Variants in MTHFD2L observed in about 807,000 individuals in gnomAD.
MTHFD2L encodes the protein methylenetetrahydrofolate dehydrogenase (NADP+ dependent) 2 like.
Under a neutral mutation model 34.9 loss-of-function variants are expected in MTHFD2L, and 29 were observed. The ratio of observed to expected loss-of-function variants is 0.83; its 90% CI spans 0.62 to 1.13. The LOEUF is 1.13. MTHFD2L is among the 50% of genes most tolerant of loss of function. MTHFD2L has a pLI of 0.00. For missense variants in MTHFD2L, 481 were observed against 446.5 expected (o/e 1.08, Z -0.70); for synonymous variants, 167 against 155.7 (o/e 1.07, Z -0.54).
intron 1 of MTHFD2L, among the ~76,000 whole-genome samples, chr4:74,132,085 A>G (rs1273306888): frequency 6.6e-6 from 1 of 152,188 alleles, no homozygotes; most frequent in African/African-American, 2.4e-5. Context: ...AAAAGTCAGG[A>G]AACAACAGAT....
At chr4:74,130,419 A>G (rs188955618) in intron 1 of MTHFD2L, among the ~76,000 whole-genome samples, 1 of 152,214 alleles carries the variant, frequency 6.6e-6, no homozygotes, top group African/African-American at 2.4e-5. Context: ...CCTGAGATGC[A>G]AGGCTGGTTC....
intron 1 of MTHFD2L, among the ~76,000 whole-genome samples, chr4:74,126,147 C>A (rs1006576295): frequency 6.6e-6 from 1 of 152,084 alleles, no homozygotes; most frequent in Admixed American, 6.6e-5. Context: ...CCTCACTTAA[C>A]CTCATCAATA....
At chr4:74,171,515 T>G (rs933224502) in intron 1 of MTHFD2L, among the ~76,000 whole-genome samples, 2 of 152,100 alleles carry the variant, frequency 1.3e-5, no homozygotes, top group African/African-American at 4.8e-5. Context: ...CAAAAGAAAT[T>G]AAAGCGGCCA....
chr4:74,136,102 CTG>C (rs1386716229), intron 1 of MTHFD2L, among the ~76,000 whole-genome samples: 2 of 151,894 alleles, frequency 1.3e-5, no homozygotes, highest in Non-Finnish European at 2.9e-5. Context: ...TATTATTTTG[CTG>C]TTATTCAATA....
At chr4:74,225,939 G>A (rs1042778883) in intron 6 of MTHFD2L, among the ~76,000 whole-genome samples, 3 of 152,004 alleles carry the variant, frequency 2.0e-5, no homozygotes, top group Non-Finnish European at 2.9e-5. Flanking sequence ...ATGAAATTTG[G>A]TCTGATGAAC....
chr4:74,254,136 A>C (rs1743681381), intron 6 of MTHFD2L, among the ~76,000 whole-genome samples: 1 of 152,208 alleles, frequency 6.6e-6, no homozygotes, highest in Non-Finnish European at 1.5e-5. Context: ...AATTAAAGAA[A>C]TATTAACAGA....
intron 5 of MTHFD2L, among the ~76,000 whole-genome samples, chr4:74,224,337 A>G (rs962485288): frequency 1.3e-5 from 2 of 152,174 alleles, no homozygotes; most frequent in Admixed American, 6.6e-5. Context: ...CATTCTCCGC[A>G]TTTCTTTGCT....
At chr4:74,254,904 G>A (rs1743804713) in intron 6 of MTHFD2L, among the ~76,000 whole-genome samples, 1 of 152,070 alleles carries the variant, frequency 6.6e-6, no homozygotes, top group South Asian at 2.1e-4. Flanking sequence ...GGAGGCCGAG[G>A]TGGGCGGATC....
intron 6 of MTHFD2L, chr4:74,242,007 T>A (rs1741788146): frequency 6.5e-6 from 1 of 152,908 alleles, no homozygotes; most frequent in South Asian, 2.0e-4. Context: ...TAAGGCAACA[T>A]GAGGGACCCT....
At chr4:74,257,387 C>T (rs991622059) in intron 6 of MTHFD2L, among the ~76,000 whole-genome samples, 4 of 152,114 alleles carry the variant, frequency 2.6e-5, no homozygotes, top group East Asian at 1.9e-4. Flanking sequence ...ACAGGTGACT[C>T]GCTTTATCTT....
intron 1 of MTHFD2L, among the ~76,000 whole-genome samples, chr4:74,147,049 G>T (rs1163094665): frequency 6.6e-6 from 1 of 151,922 alleles, no homozygotes; most frequent in Non-Finnish European, 1.5e-5. Flanking sequence ...GTGCTATCTT[G>T]GAGAATACTG....
chr4:74,243,913 G>A (rs1026817378), intron 6 of MTHFD2L, among the ~76,000 whole-genome samples: 1 of 152,192 alleles, frequency 6.6e-6, no homozygotes, highest in Non-Finnish European at 1.5e-5. Flanking sequence ...TTTATGCTTT[G>A]TGGAGGATCA....
chr4:74,301,651 G>T lies in MTHFD2L; in HGVS notation c.932-46G>T, dbSNP rs1750341520. The T allele has an allele frequency of 2.6e-6, 3 of 1,152,638 alleles. No individual in the cohort carries two copies. In the South Asian group the frequency reaches 4.5e-5, roughly 17 times the overall value. 71.4% of individuals were successfully genotyped at this position (1,152,638 alleles called of 1,614,324 possible). On this transcript the variant is annotated intron_variant, in intron 7 of 7. Coordinates refer to ENST00000325278, the MANE Select transcript of MTHFD2L (RefSeq NM_001144978.3). ...CATGTTTAAAAATATTAAAATCTCA[G>T]ATATTTTAAAATAAAGAATATCTGT...
At chr4:74,261,169 A>T (rs1237079452) in intron 6 of MTHFD2L, among the ~76,000 whole-genome samples, 1 of 152,048 alleles carries the variant, frequency 6.6e-6, no homozygotes, top group Non-Finnish European at 1.5e-5. Context: ...GAGTTAGGAG[A>T]CAAAGACTTC....
intron 4 of MTHFD2L, 121 bp from the exon 5 acceptor site, chr4:74,201,142 A>T: frequency 1.6e-6 from 1 of 640,490 alleles, no homozygotes; most frequent in Non-Finnish European, 2.7e-6. Context: ...ATTATAGATA[A>T]GCCACATAAT....
At chr4:74,162,634 G>A (rs1476050148) in intron 1 of MTHFD2L, among the ~76,000 whole-genome samples, 1 of 151,774 alleles carries the variant, frequency 6.6e-6, no homozygotes, top group African/African-American at 2.4e-5. Context: ...CTCTTAGTCA[G>A]TGGTAAGCAC....
intron 5 of MTHFD2L, among the ~76,000 whole-genome samples, chr4:74,211,782 T>C (rs1736367850): frequency 6.6e-6 from 1 of 152,128 alleles, no homozygotes; most frequent in Non-Finnish European, 1.5e-5. Context: ...TTTGTACTTA[T>C]GGTAGAATTG....
At chr4:74,213,621 C>G (rs540708748) in intron 5 of MTHFD2L, among the ~76,000 whole-genome samples, 11 of 152,306 alleles carry the variant, frequency 7.2e-5, no homozygotes, top group African/African-American at 2.6e-4. Flanking sequence ...TGACCTTTCT[C>G]TCTGGCTGCC....
intron 6 of MTHFD2L, among the ~76,000 whole-genome samples, chr4:74,226,675 GTACTAAATTCATTCAATTGAA>G (rs1215286923): frequency 2.6e-5 from 4 of 152,068 alleles, no homozygotes; most frequent in Non-Finnish European, 4.4e-5. Context: ...AGCAAAGATA[GTACTAAATTCATTCAATTGAA>G]TACTAAATTC....
Sources: gnomAD v4.1 joint callset for allele counts (sites outside exome capture counted in the v4.1 genomes callset) on GRCh38, gnomAD v4.1.1 for gene constraint, MANE v1.5 for transcripts, NCBI Gene and HGNC (gene_info 2026-07-23, HGNC 2026-07-21) for gene names.